Variants in TCERG1L observed in about 807,000 individuals in gnomAD.
TCERG1L encodes the protein transcription elongation regulator 1-like protein.
In TCERG1L, 37 loss-of-function variants were observed where a neutral mutation model predicts 56.3. The ratio of observed to expected loss-of-function variants is 0.66; its 90% confidence interval spans 0.51 to 0.87. The LOEUF is 0.87. Ranked by LOEUF, TCERG1L falls within the 40% of genes least tolerant of loss-of-function variation. TCERG1L has a pLI of 0.00. For synonymous variants in TCERG1L, 324 were observed against 326.3 expected (o/e 0.99, Z 0.08); for missense variants, 799 against 774.2 (o/e 1.03, Z -0.38).
At chr10:131,124,123 G>A (rs1387597938) in intron 8 of TCERG1L, among the ~76,000 whole-genome samples, 1 of 152,094 alleles carries the variant, frequency 6.6e-6, no homozygotes, top group Non-Finnish European at 1.5e-5. Context: ...ACAAGATGAT[G>A]CACATCTGCA....
chr10:131,110,308 G>A (rs1036095798), intron 9 of TCERG1L, among the ~76,000 whole-genome samples: 2 of 152,166 alleles, frequency 1.3e-5, no homozygotes, highest in Non-Finnish European at 2.9e-5. Flanking sequence ...CCTCCCTGCC[G>A]TGTCACCTCC....
chr10:131,180,281 C>G (rs1324018147), intron 4 of TCERG1L, among the ~76,000 whole-genome samples: 1 of 152,206 alleles, frequency 6.6e-6, no homozygotes, highest in African/African-American at 2.4e-5. Flanking sequence ...GGGCGAGTGA[C>G]AGAAGACAGG....
chr10:131,127,907 A>C (rs888596489), intron 8 of TCERG1L, among the ~76,000 whole-genome samples: 1 of 152,166 alleles, frequency 6.6e-6, no homozygotes, highest in African/African-American at 2.4e-5. Flanking sequence ...CACTACCAAG[A>C]GGGACAGATG....
chr10:131,105,532 A>G (rs1019790869), intron 9 of TCERG1L, among the ~76,000 whole-genome samples: 14 of 151,836 alleles, frequency 9.2e-5, no homozygotes, highest in Non-Finnish European at 1.9e-4. Context: ...GCCCATGCTC[A>G]GGCTGGACTC....
chr10:131,289,410 C>G lies in TCERG1L; in HGVS notation c.670+18801G>C, dbSNP rs184316349. 6.6e-5 allele frequency among the ~76,000 whole-genome samples: 10 copies of G among 152,308 alleles called. No individual in the cohort carries two copies. The East Asian group carries it at 1.9e-3, about 29-fold the overall frequency. On this transcript the variant is annotated intron_variant, in intron 3 of 11. Coordinates refer to ENST00000368642, the MANE Select transcript of TCERG1L (RefSeq NM_174937.4). The stretch of plus-strand genomic sequence containing the variant: ...TGGAAATAAAAGTGCCCACTTATCC[C>G]AGCATCCAGAAAGGCACACCTATGA...
chr10:131,206,835 C>T (rs750634), intron 4 of TCERG1L, among the ~76,000 whole-genome samples: 15,808 of 152,076 alleles, frequency 0.1, 864 homozygotes, highest in African/African-American at 0.14. Context: ...GGGTGGGGTG[C>T]GTCCAGGGAA....
At chr10:131,244,762 C>T (rs532059144) in intron 4 of TCERG1L, among the ~76,000 whole-genome samples, 10 of 152,262 alleles carry the variant, frequency 6.6e-5, no homozygotes, top group Admixed American at 2.0e-4. Context: ...TACCTGTGGA[C>T]GAAGTCACCT....
chr10:131,147,694 A>G (rs1460827388), intron 6 of TCERG1L, among the ~76,000 whole-genome samples: 1 of 152,188 alleles, frequency 6.6e-6, no homozygotes, highest in Non-Finnish European at 1.5e-5. Flanking sequence ...GGGACTTTTC[A>G]GATGTGCAGG....
intron 9 of TCERG1L, among the ~76,000 whole-genome samples, chr10:131,109,430 C>T (rs1845388181): frequency 6.6e-6 from 1 of 152,068 alleles, no homozygotes; most frequent in South Asian, 2.1e-4. Flanking sequence ...GTGACCGTGA[C>T]CATGTCTGTG....
intron 8 of TCERG1L, among the ~76,000 whole-genome samples, chr10:131,132,090 C>G (rs1179330585): frequency 6.6e-6 from 1 of 152,142 alleles, no homozygotes; most frequent in Non-Finnish European, 1.5e-5. Context: ...GTTGGTGCTT[C>G]GGAAGAGCTT....
At chr10:131,135,234 G>C (rs1301441986) in intron 7 of TCERG1L, among the ~76,000 whole-genome samples, 2 of 152,104 alleles carry the variant, frequency 1.3e-5, no homozygotes, top group African/African-American at 4.8e-5. Flanking sequence ...CGCCCAGCTT[G>C]GGTGGCCAAC....
intron 4 of TCERG1L, among the ~76,000 whole-genome samples, chr10:131,201,293 A>G (rs1048387431): frequency 2.0e-5 from 3 of 152,136 alleles, no homozygotes; most frequent in Non-Finnish European, 4.4e-5. Flanking sequence ...CCACACCTAC[A>G]AACACTCCAC....
intron 3 of TCERG1L, among the ~76,000 whole-genome samples, chr10:131,305,648 A>G (rs1176903732): frequency 6.6e-6 from 1 of 152,112 alleles, no homozygotes; most frequent in Non-Finnish European, 1.5e-5. Context: ...CCTCTCCAAG[A>G]AAAGAAAATA....
At chr10:131,239,997 C>T (rs56301529) in intron 4 of TCERG1L, among the ~76,000 whole-genome samples, 2 of 152,086 alleles carry the variant, frequency 1.3e-5, no homozygotes, top group South Asian at 4.1e-4. Context: ...GCACACACCC[C>T]GTGGTTTCAG....
intron 4 of TCERG1L, among the ~76,000 whole-genome samples, chr10:131,224,268 C>T (rs140625718): frequency 3.3e-4 from 51 of 152,258 alleles, no homozygotes; most frequent in African/African-American, 1.1e-3. Flanking sequence ...CCTTTCCAGC[C>T]GAAGTGTGCT....
intron 3 of TCERG1L, among the ~76,000 whole-genome samples, chr10:131,264,046 G>A (rs904426228): frequency 1.1e-3 from 14 of 13,228 alleles, no homozygotes; most frequent in African/African-American, 3.0e-3. Context: ...TGGGTGGGAC[G>A]GAGGGAGGGC....
intron 4 of TCERG1L, among the ~76,000 whole-genome samples, chr10:131,195,913 G>C (rs1006553844): frequency 6.6e-6 from 1 of 152,204 alleles, no homozygotes; most frequent in Non-Finnish European, 1.5e-5. Context: ...GTCCCCACTG[G>C]CCTGGAGCTC....
At chr10:131,296,113 A>G (rs944951491) in intron 3 of TCERG1L, among the ~76,000 whole-genome samples, 3 of 152,054 alleles carry the variant, frequency 2.0e-5, no homozygotes, top group Non-Finnish European at 4.4e-5. Context: ...CTTTTTTTAA[A>G]TTTTGATGTT....
At chr10:131,233,880 A>G (rs1845880224) in intron 4 of TCERG1L, among the ~76,000 whole-genome samples, 1 of 152,180 alleles carries the variant, frequency 6.6e-6, no homozygotes, top group Non-Finnish European at 1.5e-5. Flanking sequence ...TGTTCTCTGT[A>G]GTGAATGCAT....
Sources: allele counts gnomAD v4.1 joint callset (sites outside exome capture counted in the v4.1 genomes callset), GRCh38; gene constraint gnomAD v4.1.1; transcripts MANE v1.5; gene names NCBI Gene and HGNC (gene_info 2026-07-23, HGNC 2026-07-21).